The following IARS1 variants were observed in gnomAD, a reference collection of about 807,000 sequenced individuals.
IARS1 encodes isoleucyl-tRNA synthetase 1.
A neutral mutation model predicts 168.2 loss-of-function variants in IARS1; 124 were observed. That is an observed-to-expected ratio of 0.74 (90% confidence interval 0.64 to 0.86). The LOEUF is 0.86. Ranked by LOEUF, IARS1 falls within the 40% of genes least tolerant of loss-of-function variation. The pLI is 0.00. For missense variants in IARS1, 1,452 were observed against 1,515.8 expected (o/e 0.96, Z 0.70); for synonymous variants, 532 against 529.4 (o/e 1.00, Z -0.07).
chr9:92,217,522 A>G (rs11521659), intron 33 of IARS1, among the ~76,000 whole-genome samples: 40,034 of 127,354 alleles, frequency 0.31, 8,160 homozygotes, highest in African/African-American at 0.56. Context: ...TTGACAGACC[A>G]CTAGCAAGAC....
rs1271453451 is a variant in IARS1 at position 92,233,279 on chromosome 9, G to A, written c.3284-4153C>T. 2.0e-5 allele frequency among the ~76,000 whole-genome samples: 3 copies of A among 152,178 alleles called. No homozygotes were observed. In the East Asian group the frequency reaches 5.8e-4, roughly 29 times the overall value. On this transcript the variant is annotated intron_variant, in intron 30 of 33. Coordinates refer to ENST00000443024, the MANE Select transcript of IARS1 (RefSeq NM_002161.6). The stretch of plus-strand genomic sequence containing the variant: ...TTACCTTAAAATGCTGTATACCACA[G>A]AAATAACTAAACTTCCTTGTCAATT...
intron 25 of IARS1, among the ~76,000 whole-genome samples, chr9:92,248,829 AAAG>A (rs1379423208): frequency 1.3e-5 from 2 of 152,184 alleles, no homozygotes; most frequent in Non-Finnish European, 2.9e-5. Context: ...TCACCTGTGA[AAAG>A]AATAAACAAT....
At chr9:92,254,632 T>C (rs1460711813) in intron 20 of IARS1, among the ~76,000 whole-genome samples, 1 of 152,242 alleles carries the variant, frequency 6.6e-6, no homozygotes, top group Non-Finnish European at 1.5e-5. Flanking sequence ...CGGCACTTTT[T>C]ACCTTCCAGG....
At position 92,293,417 on chromosome 9, in the gene IARS1, G is replaced by T. The variant is rs368683588; in HGVS notation, c.-8+194C>A. On this transcript the variant is annotated intron_variant, in intron 1 of 33. Transcript: ENST00000443024. Reference sequence around the variant, plus strand: ...TATACTATGTATATCATTTTAAAAAGATTTTACTCATTTCAAACACTACCT... The same window carrying T: ...TATACTATGTATATCATTTTAAAAATATTTTACTCATTTCAAACACTACCT... 1.3e-5 allele frequency: 7 copies of T among 530,558 alleles called. No individual in the cohort carries two copies. The African/African-American group carries it at 1.4e-4, about 10-fold the overall frequency. The allele number at this position is 530,558 out of a possible 1,614,324, so 32.9% of individuals were successfully genotyped here.
At chr9:92,272,788 T>G (rs1587856793) in intron 10 of IARS1, among the ~76,000 whole-genome samples, 1 of 149,834 alleles carries the variant, frequency 6.7e-6, no homozygotes, top group African/African-American at 2.5e-5. Flanking sequence ...GAGGCAGAGG[T>G]TGCCGTGAGC....
At chr9:92,288,925 T>C (rs1052847984) in intron 2 of IARS1, among the ~76,000 whole-genome samples, 1 of 152,144 alleles carries the variant, frequency 6.6e-6, no homozygotes, top group African/African-American at 2.4e-5. Flanking sequence ...GTATCTGCTT[T>C]AGGCCGCGCG....
chr9:92,269,631 A>G (rs1439081647), intron 13 of IARS1, among the ~76,000 whole-genome samples: 1 of 152,248 alleles, frequency 6.6e-6, no homozygotes, highest in Non-Finnish European at 1.5e-5. Context: ...AATCGAATAA[A>G]TGGTGGTTTA....
rs772258172 is a variant in IARS1 at position 92,269,883 on chromosome 9, A to C, written c.1304+2T>G. The C allele has an allele frequency of 6.2e-7, 1 of 1,602,934 alleles. No homozygotes were observed. The highest frequency in any genetic ancestry group is 8.5e-7 in the Non-Finnish European group (1 of 1,169,954). On this transcript the variant is annotated splice_donor_variant, in intron 13 of 33. Coordinates refer to ENST00000443024, the MANE Select transcript of IARS1 (RefSeq NM_002161.6). LOFTEE classifies it high-confidence loss of function. ...TATGAAGAAACACATCTTACTGCTC[A>C]CCAGTAGCACAGGTCATTGTTCCTT...
chr9:92,284,791 C>A (rs1835178771), intron 6 of IARS1, among the ~76,000 whole-genome samples: 1 of 152,014 alleles, frequency 6.6e-6, no homozygotes, highest in African/African-American at 2.4e-5. Flanking sequence ...AAACAAAAAC[C>A]AAATATAGCA....
intron 30 of IARS1, among the ~76,000 whole-genome samples, chr9:92,230,751 G>A (rs1372367906): frequency 6.6e-6 from 1 of 152,202 alleles, no homozygotes; most frequent in African/African-American, 2.4e-5. Context: ...ATGAGATACA[G>A]CATTTGGTGC....
chr9:92,228,232 C>T (rs1242389728), intron 31 of IARS1, among the ~76,000 whole-genome samples: 3 of 152,100 alleles, frequency 2.0e-5, no homozygotes, highest in Admixed American at 1.3e-4. Context: ...GTTACATCTG[C>T]GATAATCCTA....
Position 92,253,441 on chromosome 9 carries a change from T to A in IARS1, c.2150A>T (p.Tyr717Phe), listed in dbSNP as rs1347905402. 1 of 1,612,226 alleles carries A rather than the reference T, an allele frequency of 6.2e-7. No individual in the cohort carries two copies. Among genetic ancestry groups the A allele is most frequent in the Non-Finnish European group, 8.5e-7 (1 of 1,178,354 alleles). ...CTTGACCAGGCGAGGCACCACAGTA[T>A]AAAGCCTATAAGCTAAAAGTAAGAC... ...FETEMAAYRL[Y>F]TVVPRLVKFV... Residue 717 changes from tyrosine (Y) to phenylalanine (F), a missense_variant, in exon 21 of 34, where the codon TAT (tyrosine) becomes TTT (phenylalanine). Coordinates refer to ENST00000443024, the MANE Select transcript of IARS1 (RefSeq NM_002161.6).
Position 92,246,470 on chromosome 9 carries a change from T to G in IARS1, c.2791+907A>C, listed in dbSNP as rs117882372. On this transcript the variant is annotated intron_variant, in intron 26 of 33. Coordinates refer to ENST00000443024, the MANE Select transcript of IARS1 (RefSeq NM_002161.6). ...CACCCTGAAATGCTCTGTATAGGGG[T>G]AGCAAGATGGGGCTGATTTCCCTTT... 4.0e-4 allele frequency among the ~76,000 whole-genome samples: 61 copies of G among 152,286 alleles called. No individual in the cohort carries two copies. In the East Asian group the frequency reaches 0.011, roughly 27 times the overall value.
intron 2 of IARS1, among the ~76,000 whole-genome samples, chr9:92,289,006 C>T (rs529418242): frequency 1.3e-5 from 2 of 151,854 alleles, no homozygotes; most frequent in East Asian, 3.9e-4. Context: ...GTCAGGAGTC[C>T]GAGACCAGCC....
chr9:92,288,332 A>C (rs1012185784), intron 2 of IARS1, 50 bp from the exon 3 acceptor site: 4 of 1,559,464 alleles, frequency 2.6e-6, no homozygotes, highest in Non-Finnish European at 3.5e-6. Flanking sequence ...GCCAAAATTT[A>C]AGGCATTTTT....
intron 20 of IARS1, among the ~76,000 whole-genome samples, chr9:92,254,866 C>A (rs1178749393): frequency 6.6e-6 from 1 of 152,168 alleles, no homozygotes; most frequent in African/African-American, 2.4e-5. Context: ...TTAAACACGG[C>A]CCACAAAACG....
At chr9:92,244,403 C>A (rs1209635776) in intron 27 of IARS1, among the ~76,000 whole-genome samples, 1 of 152,124 alleles carries the variant, frequency 6.6e-6, no homozygotes, top group Non-Finnish European at 1.5e-5. Flanking sequence ...CAGAGGGACC[C>A]CTGCAATATC....
At chr9:92,260,281 G>A in intron 17 of IARS1, 47 bp from the exon 18 acceptor site, 1 of 1,143,416 alleles carries the variant, frequency 8.7e-7, no homozygotes, top group Admixed American at 1.7e-5. Flanking sequence ...CAATATCACA[G>A]ATGATCTTGT....
intron 26 of IARS1, 54 bp from the exon 27 acceptor site, chr9:92,245,125 C>T (rs1564168472): frequency 7.2e-7 from 1 of 1,386,676 alleles, no homozygotes. Flanking sequence ...TCAAGCTGCC[C>T]CACTACCCGT....
Sources: gnomAD v4.1 joint callset for allele counts (sites outside exome capture counted in the v4.1 genomes callset) on GRCh38, gnomAD v4.1.1 for gene constraint, MANE v1.5 for transcripts, NCBI Gene and HGNC (gene_info 2026-07-23, HGNC 2026-07-21) for gene names.